Variants in CAMK1D observed in about 807,000 individuals in gnomAD.
The protein encoded by CAMK1D is calcium/calmodulin dependent protein kinase ID.
A neutral mutation model predicts 47.7 loss-of-function variants in CAMK1D; 9 were observed. The ratio of observed to expected loss-of-function variants is 0.19; its 90% CI spans 0.11 to 0.33. CAMK1D has a LOEUF of 0.33. Ranked by LOEUF, CAMK1D falls within the 10% of genes least tolerant of loss-of-function variation. The pLI, the probability that CAMK1D is intolerant of heterozygous loss-of-function variation, is 1.00. For synonymous variants in CAMK1D, 184 were observed against 184.9 expected (o/e 0.99, Z 0.04); for missense variants, 291 against 488.7 (o/e 0.60, Z 3.81).
At chr10:12,771,766 G>A (rs1319026918) in intron 5 of CAMK1D, among the ~76,000 whole-genome samples, 11 of 152,234 alleles carry the variant, frequency 7.2e-5, no homozygotes, top group Non-Finnish European at 1.0e-4. Context: ...AGGTGCAGTG[G>A]CTCACGCCTG....
Position 12,399,884 on chromosome 10 carries a change from A to C in CAMK1D, c.92+49974A>C, listed in dbSNP as rs189812774. Among the ~76,000 whole-genome samples, 243 of 152,296 alleles carry C rather than the reference A, an allele frequency of 1.6e-3. 1 individual carries two copies. The highest frequency in any genetic ancestry group is 5.6e-3 in the African/African-American group (232 of 41,558). ...TTGTGGTGCTGATGGCTGTGAGTTC[A>C]ATATTAATGAATCAACAATATGTGT... On this transcript the variant is annotated intron_variant, in intron 1 of 10. Coordinates refer to ENST00000619168, the MANE Select transcript of CAMK1D (RefSeq NM_153498.4).
chr10:12,712,487 A>C (rs957062907), intron 3 of CAMK1D, among the ~76,000 whole-genome samples: 2 of 152,196 alleles, frequency 1.3e-5, no homozygotes, highest in African/African-American at 4.8e-5. Context: ...GGAGGGTGGA[A>C]GTTCCAGAGC....
At chr10:12,523,498 C>A (rs1835510461) in intron 1 of CAMK1D, among the ~76,000 whole-genome samples, 1 of 152,064 alleles carries the variant, frequency 6.6e-6, no homozygotes, top group South Asian at 2.1e-4. Context: ...ATCCCGGCAC[C>A]TCGGGAGGCC....
chr10:12,412,523 T>C lies in CAMK1D; in HGVS notation c.92+62613T>C, dbSNP rs948821314. Among the ~76,000 whole-genome samples, 159 of 147,998 alleles carry C rather than the reference T, an allele frequency of 1.1e-3. 2 individuals carry two copies. Among genetic ancestry groups the C allele is most frequent in the African/African-American group, 3.7e-3 (149 of 39,950 alleles). ...CTGTAATCCCAGCTACTCGGGAGGC[T>C]GAGGCAGGAGAATCACTTGAACCCT... On this transcript the variant is annotated intron_variant, in intron 1 of 10. Coordinates refer to ENST00000619168, the MANE Select transcript of CAMK1D (RefSeq NM_153498.4).
chr10:12,789,853 GA>G (rs1312229682), intron 5 of CAMK1D, among the ~76,000 whole-genome samples: 1 of 152,180 alleles, frequency 6.6e-6, no homozygotes, highest in Non-Finnish European at 1.5e-5. Flanking sequence ...AAATTTTCTG[GA>G]AAGTCTGTGC....
Position 12,791,549 on chromosome 10 carries a change from G to GA in CAMK1D, c.641+317dup, listed in dbSNP as rs374228861. On this transcript the variant is annotated intron_variant, in intron 6 of 10. Transcript: ENST00000619168. ...TCTCTATGAACTTGACTCTTCTGGG[G>GA]ACCTCATATAAGTGGAATCACACAG... Among the ~76,000 whole-genome samples, 646 of 152,226 alleles carry GA rather than the reference G, an allele frequency of 4.2e-3. 4 individuals carry two copies. The highest frequency in any genetic ancestry group is 0.015 in the African/African-American group (615 of 41,530).
chr10:12,815,831 TG>T (rs1164689546), intron 7 of CAMK1D, among the ~76,000 whole-genome samples: 9 of 152,240 alleles, frequency 5.9e-5, no homozygotes, highest in African/African-American at 1.9e-4. Context: ...CAGGACCTGA[TG>T]GGCTGAGCAG....
At chr10:12,414,848 G>T (rs1290912926) in intron 1 of CAMK1D, among the ~76,000 whole-genome samples, 1 of 152,056 alleles carries the variant, frequency 6.6e-6, no homozygotes, top group Non-Finnish European at 1.5e-5. Flanking sequence ...TTTATTTGAG[G>T]TTTTTCAGAT....
At chr10:12,799,058 G>A (rs575255866) in intron 6 of CAMK1D, among the ~76,000 whole-genome samples, 2 of 152,318 alleles carry the variant, frequency 1.3e-5, no homozygotes, top group South Asian at 4.1e-4. Context: ...TAGAGATGGA[G>A]GCCAGGAGGG....
At chr10:12,681,594 A>C (rs928366012) in intron 3 of CAMK1D, among the ~76,000 whole-genome samples, 2 of 152,262 alleles carry the variant, frequency 1.3e-5, no homozygotes, top group African/African-American at 4.8e-5. Context: ...GGTCCTAGTT[A>C]GATGTTCTTT....
At chr10:12,615,736 GT>G (rs1036087808) in intron 2 of CAMK1D, among the ~76,000 whole-genome samples, 12 of 151,520 alleles carry the variant, frequency 7.9e-5, no homozygotes, top group South Asian at 4.2e-4. Context: ...GTGCATGTGT[GT>G]GGGGGTGTGT....
At chr10:12,582,836 C>G (rs1211623616) in intron 2 of CAMK1D, among the ~76,000 whole-genome samples, 1 of 152,100 alleles carries the variant, frequency 6.6e-6, no homozygotes, top group Non-Finnish European at 1.5e-5. Context: ...ACAGTGAGTC[C>G]CAGGAAAATT....
chr10:12,513,823 G>T (rs757333208), intron 1 of CAMK1D, among the ~76,000 whole-genome samples: 2 of 152,008 alleles, frequency 1.3e-5, no homozygotes, highest in Non-Finnish European at 2.9e-5. Context: ...AATCAAAAAC[G>T]ATGTGATCAG....
intron 3 of CAMK1D, among the ~76,000 whole-genome samples, chr10:12,737,009 C>T (rs1835219290): frequency 6.6e-6 from 1 of 152,184 alleles, no homozygotes; most frequent in African/African-American, 2.4e-5. Flanking sequence ...AAGAGAACAG[C>T]GAGCATCCGT....
intron 2 of CAMK1D, among the ~76,000 whole-genome samples, chr10:12,569,498 C>T (rs560296104): frequency 3.8e-4 from 57 of 149,166 alleles, no homozygotes; most frequent in African/African-American, 1.4e-3. Flanking sequence ...ATCACGAGGT[C>T]AGGAGATTGA....
intron 3 of CAMK1D, among the ~76,000 whole-genome samples, chr10:12,712,430 C>T (rs1833972558): frequency 6.6e-6 from 1 of 152,216 alleles, no homozygotes. Flanking sequence ...CAACAGAACG[C>T]TGTAGACTGG....
intron 1 of CAMK1D, among the ~76,000 whole-genome samples, chr10:12,353,555 T>C (rs1272378668): frequency 6.6e-6 from 1 of 151,890 alleles, no homozygotes; most frequent in East Asian, 1.9e-4. Context: ...GGAGTGAAGG[T>C]TGGCCCAGGA....
chr10:12,512,294 C>G (rs771077792), intron 1 of CAMK1D, among the ~76,000 whole-genome samples: 1 of 152,180 alleles, frequency 6.6e-6, no homozygotes, highest in African/African-American at 2.4e-5. Context: ...AATTCTGATT[C>G]GTTGGGGAGA....
At chr10:12,431,895 G>A (rs377670727) in intron 1 of CAMK1D, among the ~76,000 whole-genome samples, 64 of 152,214 alleles carry the variant, frequency 4.2e-4, no homozygotes, top group African/African-American at 1.5e-3. Context: ...TTCTCCTGGC[G>A]TCACAGTTCC....
Sources: allele counts gnomAD v4.1 joint callset (sites outside exome capture counted in the v4.1 genomes callset), GRCh38; gene constraint gnomAD v4.1.1; transcripts MANE v1.5; gene names NCBI Gene and HGNC (gene_info 2026-07-23, HGNC 2026-07-21).